LVRN: variants seen among roughly 807,000 people sequenced by gnomAD.
LVRN encodes the protein aminopeptidase Q.
Under a neutral mutation model 111.4 loss-of-function variants are expected in LVRN, and 99 were observed. The observed-to-expected ratio is 0.89, with a 90% CI of 0.76 to 1.05. The LOEUF (loss-of-function observed/expected upper bound fraction) is 1.05, where lower values mean the gene tolerates loss of function less well. Among genes scored for constraint, LVRN ranks in the 50% least tolerant of loss-of-function variants. LVRN has a pLI of 0.00. For synonymous variants in LVRN, 488 were observed against 449.5 expected, an observed-to-expected ratio of 1.09 and a Z score of -1.08; for missense variants, 1,414 against 1,206.8, an observed-to-expected ratio of 1.17 and a Z score of -2.54.
chr5:116,018,759 A>G (rs190640739), intron 18 of LVRN, among the ~76,000 whole-genome samples: 23 of 152,366 alleles, frequency 1.5e-4, no homozygotes, highest in African/African-American at 5.3e-4. Flanking sequence ...TTTTACTTAG[A>G]AAGCTCATCT....
At position 115,984,597 on chromosome 5, in the gene LVRN, G is replaced by A. The variant is rs773230435; in HGVS notation, c.866G>A (p.Gly289Glu). The A allele has an allele frequency of 4.3e-6, 7 of 1,613,542 alleles. No individual in the cohort carries two copies. The highest frequency in any genetic ancestry group is 5.1e-6 in the Non-Finnish European group (6 of 1,179,694). Residue 289 changes from glycine (G) to glutamate (E), a missense_variant, in exon 3 of 20, where the codon GGA becomes GAA. Physicochemically the swap from Gly to Glu is moderately conservative, Grantham distance 98. Coordinates refer to ENST00000357872, the MANE Select transcript of LVRN (RefSeq NM_173800.5). ...LGQSEKEDVN[G>E]SKWTVTTFST... ...CAGTCTGAAAAAGAAGATGTGAATG[G>A]AAGCAAATGGACTGTTACAACCTTT... is the stretch of plus-strand genomic sequence containing the variant.
rs753924061 is a variant in LVRN, at chr5:115,962,870, A to G, written c.253A>G (p.Ser85Gly). Reference sequence around the variant, plus strand: ...CGAGCTAGCGGTGACGACCACCCCGAGCAACTGGCGACCCCCGGGGCCCTG... The same window carrying G: ...CGAGCTAGCGGTGACGACCACCCCGGGCAACTGGCGACCCCCGGGGCCCTG... ...ARELAVTTTP[S>G]NWRPPGPWDQ... Residue 85 changes from serine (S) to glycine (G), a missense_variant, in exon 1 of 20, where the codon AGC becomes GGC. Coordinates refer to ENST00000357872, the MANE Select transcript of LVRN (RefSeq NM_173800.5). The G allele has an allele frequency of 1.9e-6, 3 of 1,612,738 alleles. No individual in the cohort carries two copies. The highest frequency in any genetic ancestry group is 2.5e-6 in the Non-Finnish European group (3 of 1,179,700).
chr5:116,012,342 A>C (rs749094731), intron 14 of LVRN, 32 bp from the exon 15 acceptor site: 1 of 1,200,776 alleles, frequency 8.3e-7, no homozygotes, highest in Non-Finnish European at 1.2e-6. Context: ...TGCAAGCCAG[A>C]ACTAACAGTG....
At chr5:115,991,585 T>C (rs774546074) in intron 4 of LVRN, among the ~76,000 whole-genome samples, 1 of 152,230 alleles carries the variant, frequency 6.6e-6, no homozygotes, top group Non-Finnish European at 1.5e-5. Flanking sequence ...TCAGATCTTA[T>C]GGTCAACCTA....
intron 10 of LVRN, among the ~76,000 whole-genome samples, chr5:116,002,367 T>C (rs1748253644): frequency 6.6e-6 from 1 of 152,232 alleles, no homozygotes; most frequent in Admixed American, 6.5e-5. Flanking sequence ...ATGAATGTCA[T>C]GGCTGATTCC....
In LVRN at chr5:115,963,342, C is replaced by T. The variant is rs773207389; in HGVS notation, c.695+30C>T. On this transcript the variant is annotated intron_variant, in intron 1 of 19. Coordinates refer to ENST00000357872, the MANE Select transcript of LVRN (RefSeq NM_173800.5). ...GGGCTGTACAGCCCGGGGCCCCTCT[C>T]GGCCCCCGCCCCTGCGTCCCGGTGC... 5.3e-5 allele frequency: 80 copies of T among 1,514,996 alleles called. 1 individual carries two copies. In the South Asian group the frequency reaches 9.6e-4, roughly 18 times the overall value. The allele number at this position is 1,514,996 out of a possible 1,614,324, so 93.8% of individuals were successfully genotyped here. A position where few individuals can be genotyped will look rare whatever the true frequency, so the allele number is the denominator to read the frequency against.
chr5:115,989,430 G>C (rs1455020672), intron 4 of LVRN, among the ~76,000 whole-genome samples: 3 of 152,104 alleles, frequency 2.0e-5, no homozygotes, highest in Non-Finnish European at 4.4e-5. Context: ...TCTCAACTCA[G>C]TGCCTCCTCA....
intron 19 of LVRN, among the ~76,000 whole-genome samples, chr5:116,025,483 A>G (rs1381466785): frequency 6.8e-6 from 1 of 147,454 alleles, no homozygotes; most frequent in Non-Finnish European, 1.5e-5. Flanking sequence ...CTGATAACTG[A>G]ATGCTTGGCC....
chr5:116,024,840 G>A (rs1404751466), intron 19 of LVRN, among the ~76,000 whole-genome samples: 1 of 152,102 alleles, frequency 6.6e-6, no homozygotes, highest in Admixed American at 6.5e-5. Context: ...AACATCTTAA[G>A]GTCCAGCGGT....
In LVRN at chr5:115,979,385, G is replaced by A. The variant is rs571160623; in HGVS notation, c.696-3902G>A. On this transcript the variant is annotated intron_variant, in intron 1 of 19. Transcript: ENST00000357872. ...TCTCCTCCAAGCCCATAGTTAGAAG[G>A]TTGCCCCTCCTCCCAACTCCCTGAG... Among the ~76,000 whole-genome samples the A allele has an allele frequency of 3.7e-4, 57 of 152,136 alleles. No individual in the cohort carries two copies. The South Asian group carries it at 4.0e-3, about 11-fold the overall frequency.
intron 19 of LVRN, among the ~76,000 whole-genome samples, chr5:116,025,142 C>T (rs77471527): frequency 5.9e-5 from 9 of 152,120 alleles, no homozygotes; most frequent in South Asian, 2.1e-4. Flanking sequence ...TACCACCTCC[C>T]GGCAGGTGTG....
At position 116,026,753 on chromosome 5, in the gene LVRN, A is replaced by C. The variant is rs1333986939; in HGVS notation, c.*635A>C. On this transcript the variant is annotated 3_prime_UTR_variant, in exon 20 of 20. Transcript: ENST00000357872. ...TTGAACCACGTGTTGCTGGTTACTA[A>C]ACTTTATGGTGTCACAAAAAGACAA... The C allele has an allele frequency of 6.5e-6, 1 of 152,852 alleles. No homozygotes were observed. Among genetic ancestry groups the C allele is most frequent in the Non-Finnish European group, 1.5e-5 (1 of 68,632 alleles). 9.5% of individuals were successfully genotyped at this position (152,852 alleles called of 1,614,324 possible).
rs148676489 is a variant in LVRN at position 115,987,816 on chromosome 5, C to T, written c.982C>T (p.Arg328Cys). ...CTGCTTAACTGTTTTGATTTAGATA[C>T]GCATCTGGGCCCGGAAAGATGCAAT... ...VNRTERGKEI[R>C]IWARKDAIAN... Residue 328 changes from arginine to cysteine, a missense_variant, in exon 4 of 20, where the codon CGC becomes TGC. Physicochemically the swap from Arg to Cys is radical, Grantham distance 180. Transcript: ENST00000357872. 1.0e-4 allele frequency: 167 copies of T among 1,610,430 alleles called. No homozygotes were observed. In the African/African-American group the frequency reaches 1.5e-3, roughly 14 times the overall value.
chr5:115,965,625 C>T (rs1753186713), intron 1 of LVRN, among the ~76,000 whole-genome samples: 1 of 152,088 alleles, frequency 6.6e-6, no homozygotes, highest in African/African-American at 2.4e-5. Flanking sequence ...AATTGTAGTT[C>T]CCATAACCCA....
chr5:116,020,020 C>G (rs1399064882), intron 18 of LVRN: 1 of 152,338 alleles, frequency 6.6e-6, no homozygotes, highest in African/African-American at 2.4e-5. Context: ...GCAGGAACCG[C>G]TGCTCCTTTC....
chr5:115,986,119 C>T (rs1363634478), intron 3 of LVRN, among the ~76,000 whole-genome samples: 2 of 152,172 alleles, frequency 1.3e-5, no homozygotes, highest in Admixed American at 6.6e-5. Flanking sequence ...TTAATAATAC[C>T]GTTTTAGATG....
chr5:116,003,021 A>G (rs1012891734), intron 11 of LVRN, 110 bp downstream of exon 11: 20 of 1,025,210 alleles, frequency 2.0e-5, no homozygotes, highest in Admixed American at 2.9e-5. Context: ...AAACTAAAAT[A>G]TCATTCTTGT....
intron 6 of LVRN, among the ~76,000 whole-genome samples, chr5:115,996,924 TG>T (rs1345598680): frequency 3.9e-5 from 6 of 152,216 alleles, no homozygotes; most frequent in Non-Finnish European, 8.8e-5. Flanking sequence ...ATTCAACAGA[TG>T]ATAATTGCAT....
chr5:115,971,104 T>A (rs1753315664), intron 1 of LVRN, among the ~76,000 whole-genome samples: 1 of 152,330 alleles, frequency 6.6e-6, no homozygotes, highest in East Asian at 1.9e-4. Flanking sequence ...ATTTTCCCAA[T>A]GACTAAAAAT....
Sources: allele counts gnomAD v4.1 joint callset (sites outside exome capture counted in the v4.1 genomes callset), GRCh38; gene constraint gnomAD v4.1.1; transcripts MANE v1.5; gene names NCBI Gene and HGNC (gene_info 2026-07-23, HGNC 2026-07-21).